KIF13A: variants seen among roughly 807,000 people sequenced by gnomAD.
KIF13A encodes the protein kinesin family member 13A, also known as kinesin-like protein KIF13A.
Under a neutral mutation model 212.2 loss-of-function variants are expected in KIF13A, and 79 were observed. That is an observed-to-expected ratio of 0.37 (90% CI 0.31 to 0.45). The LOEUF (loss-of-function observed/expected upper bound fraction) is 0.45. Ranked by LOEUF, KIF13A falls within the 20% of genes least tolerant of loss-of-function variation. The probability of loss-of-function intolerance (pLI) is 1.00; values close to 1 mark genes in which losing one functional copy is unlikely to be tolerated. For synonymous variants in KIF13A, 789 were observed against 808.6 expected, an observed-to-expected ratio of 0.98 and a Z score of 0.41; for missense variants, 1,901 against 2,209.0, an observed-to-expected ratio of 0.86 and a Z score of 2.79.
chr6:17,899,259 A>G lies in KIF13A; in HGVS notation c.147-1079T>C, dbSNP rs1490489935. ...CTTATGACAGTTCTTGGCCTTCCTG[A>G]TAGTTACTCTTGATCAACCTCTGAT... is the stretch of plus-strand genomic sequence containing the variant. On this transcript the variant is annotated intron_variant, in intron 2 of 38. Coordinates refer to ENST00000259711, the MANE Select transcript of KIF13A (RefSeq NM_022113.6). The surrounding 1 kb of genome is among the most constrained non-coding windows in gnomAD (Gnocchi z 5.2). Among the ~76,000 whole-genome samples, 1 of 152,108 alleles carries G rather than the reference A, an allele frequency of 6.6e-6. No homozygotes were observed. The highest frequency in any genetic ancestry group is 1.5e-5 in the Non-Finnish European group (1 of 68,040).
In KIF13A at chr6:17,773,959, A is replaced by G. The variant is rs1443547100; in HGVS notation, c.4219-376T>C. Reference sequence around the variant, plus strand: ...CAAACTGAAACACTCTCAAAGGACAACTGTTCCATTAGTAATTCTGCCTGG... The same window carrying G: ...CAAACTGAAACACTCTCAAAGGACAGCTGTTCCATTAGTAATTCTGCCTGG... On this transcript the variant is annotated intron_variant, in intron 35 of 38. Transcript: ENST00000259711. This position sits in a 1 kb window ranked among gnomAD's most constrained non-coding sequence, Gnocchi z 4.2. Among the ~76,000 whole-genome samples the G allele has an allele frequency of 6.6e-6, 1 of 152,198 alleles. No homozygotes were observed. Among genetic ancestry groups the G allele is most frequent in the African/African-American group, 2.4e-5 (1 of 41,442 alleles).
In KIF13A at chr6:17,769,747, G is replaced by A. The variant is rs568505917; in HGVS notation, c.4581+1367C>T. On this transcript the variant is annotated intron_variant, in intron 38 of 38. Transcript: ENST00000259711. This position sits in a 1 kb window ranked among gnomAD's most constrained non-coding sequence, Gnocchi z 5.8. The stretch of plus-strand genomic sequence containing the variant: ...AATCAGACACAGAGCCAGAGAATTG[G>A]CAGGGGAAAAAACTAGTCATTTGGC... Among the ~76,000 whole-genome samples, 1 of 152,140 alleles carries A rather than the reference G, an allele frequency of 6.6e-6. No individual in the cohort carries two copies. The highest frequency in any genetic ancestry group is 2.4e-5 in the African/African-American group (1 of 41,426).
chr6:17,821,700 G>T, intron 16 of KIF13A: 1 of 1,418,366 alleles, frequency 7.1e-7, no homozygotes, highest in Non-Finnish European at 9.4e-7. Flanking sequence ...TTAGATTTTT[G>T]CCAAAGCATG....
intron 18 of KIF13A, 42 bp from the exon 19 acceptor site, chr6:17,805,657 C>T: frequency 1.3e-6 from 2 of 1,542,518 alleles, no homozygotes; most frequent in Non-Finnish European, 1.8e-6. Context: ...GTTATAACTC[C>T]TTTTTCGATT....
chr6:17,785,479 C>A lies in KIF13A; in HGVS notation c.3488+36G>T, dbSNP rs191348334. 5.4e-6 allele frequency: 8 copies of A among 1,476,024 alleles called. No individual in the cohort carries two copies. The highest frequency in any genetic ancestry group is 7.2e-6 in the Non-Finnish European group (8 of 1,116,908). The allele number at this position is 1,476,024 out of a possible 1,614,324, so 91.4% of individuals were successfully genotyped here. A position where few individuals can be genotyped will look rare whatever the true frequency, so the allele number is the denominator to read the frequency against. ...TCTTGCCACAGGCGACCTGTACCATCTCCCCAGGTCTGCACAGAAGGGAGG... is the reference window on the plus strand; with the variant it reads ...TCTTGCCACAGGCGACCTGTACCATATCCCCAGGTCTGCACAGAAGGGAGG... On this transcript the variant is annotated intron_variant, in intron 28 of 38. Transcript: ENST00000259711. This position sits in a 1 kb window ranked among gnomAD's most constrained non-coding sequence, Gnocchi z 5.8.
Position 17,888,025 on chromosome 6 carries a change from C to T in KIF13A, c.159+10143G>A, listed in dbSNP as rs868593978. On this transcript the variant is annotated intron_variant, in intron 3 of 38. Transcript: ENST00000259711. This position sits in a 1 kb window ranked among gnomAD's most constrained non-coding sequence, Gnocchi z 4.8. Reference sequence around the variant, plus strand: ...CCAGCCCCTGCATCTTGATTCTTATCCTAAATTTCTGCACTTTGACACCCT... The same window carrying T: ...CCAGCCCCTGCATCTTGATTCTTATTCTAAATTTCTGCACTTTGACACCCT... Among the ~76,000 whole-genome samples the T allele has an allele frequency of 2.8e-4, 42 of 151,868 alleles. No homozygotes were observed. The highest frequency in any genetic ancestry group is 9.9e-4 in the African/African-American group (41 of 41,354).
chr6:17,968,061 G>A lies in KIF13A; in HGVS notation c.146+18993C>T, dbSNP rs78838029. On this transcript the variant is annotated intron_variant, in intron 2 of 38. Coordinates refer to ENST00000259711, the MANE Select transcript of KIF13A (RefSeq NM_022113.6). The surrounding 1 kb of genome is among the most constrained non-coding windows in gnomAD (Gnocchi z 4.7). The stretch of plus-strand genomic sequence containing the variant: ...CCCACAATGCTGAGAACCCCTGGGG[G>A]ACTGACAAACGTAGGCATATTATTT... Among the ~76,000 whole-genome samples, 655 of 152,274 alleles carry A rather than the reference G, an allele frequency of 4.3e-3. 5 individuals carry two copies. Among genetic ancestry groups the A allele is most frequent in the Non-Finnish European group, 5.9e-3 (400 of 68,032 alleles).
chr6:17,879,446 A>G (rs764080848), intron 3 of KIF13A, among the ~76,000 whole-genome samples: 3 of 152,214 alleles, frequency 2.0e-5, no homozygotes, highest in Non-Finnish European at 4.4e-5. Context: ...GCTGCAGGAT[A>G]TATTTTTAGA....
chr6:17,828,116 GC>G lies in KIF13A; in HGVS notation c.1532+123del. 13 of 833,742 alleles carry G rather than the reference GC, an allele frequency of 1.6e-5. No homozygotes were observed. Among genetic ancestry groups the G allele is most frequent in the Non-Finnish European group, 2.4e-5 (13 of 552,942 alleles). The allele number at this position is 833,742 out of a possible 1,614,324, so 51.6% of individuals were successfully genotyped here. ...CACTCTCTACAATCAGAAAGCAAGG[GC>G]CCCCTGAGGACCCCCATGTATCCTT... On this transcript the variant is annotated intron_variant, in intron 14 of 38. Transcript: ENST00000259711. This position sits in a 1 kb window ranked among gnomAD's most constrained non-coding sequence, Gnocchi z 4.3.
chr6:17,792,092 A>T lies in KIF13A; in HGVS notation c.3222+2157T>A, dbSNP rs143008467. Among the ~76,000 whole-genome samples the T allele has an allele frequency of 8.1e-5, 12 of 148,554 alleles. No individual in the cohort carries two copies. In the East Asian group the frequency reaches 2.5e-3, roughly 30 times the overall value. On this transcript the variant is annotated intron_variant, in intron 25 of 38. Coordinates refer to ENST00000259711, the MANE Select transcript of KIF13A (RefSeq NM_022113.6). ...TTGGCAGGTGCCCGTAATCCCAGCT[A>T]CTCTGGAGACTGAGGCAGGAGAATC...
Position 17,828,094 on chromosome 6 carries a change from T to C in KIF13A, c.1532+146A>G. The C allele has an allele frequency of 3.1e-6, 2 of 638,214 alleles. No homozygotes were observed. Among genetic ancestry groups the C allele is most frequent in the South Asian group, 5.0e-5 (2 of 40,264 alleles). The allele number at this position is 638,214 out of a possible 1,614,324, so 39.5% of individuals were successfully genotyped here. ...ATAGTCACTCCTTCACAGTAATCAC[T>C]CTCTACAATCAGAAAGCAAGGGCCC... On this transcript the variant is annotated intron_variant, in intron 14 of 38. Coordinates refer to ENST00000259711, the MANE Select transcript of KIF13A (RefSeq NM_022113.6). The surrounding 1 kb of genome is among the most constrained non-coding windows in gnomAD (Gnocchi z 4.3).
rs1315823518 is a variant in KIF13A, at chr6:17,776,309, G to A, written c.4170+968C>T. Among the ~76,000 whole-genome samples, 1 of 152,054 alleles carries A rather than the reference G, an allele frequency of 6.6e-6. No individual in the cohort carries two copies. The highest frequency in any genetic ancestry group is 2.4e-5 in the African/African-American group (1 of 41,398). The stretch of plus-strand genomic sequence containing the variant: ...ACTGTCTAGTATTCTGCTTTATACA[G>A]AATTATAGGGAATTTAGGGCTAATA... On this transcript the variant is annotated intron_variant, in intron 34 of 38. Coordinates refer to ENST00000259711, the MANE Select transcript of KIF13A (RefSeq NM_022113.6). This position sits in a 1 kb window ranked among gnomAD's most constrained non-coding sequence, Gnocchi z 4.6.
In KIF13A at chr6:17,811,154, T is replaced by A. The variant is rs991498612; in HGVS notation, c.2001-2224A>T. ...ACCTCTCAAATGCACTTGAAATCAA[T>A]CCTTCTCCCTGAAAACCTCTGTAGA... is the stretch of plus-strand genomic sequence containing the variant. On this transcript the variant is annotated intron_variant, in intron 17 of 38. Coordinates refer to ENST00000259711, the MANE Select transcript of KIF13A (RefSeq NM_022113.6). This position sits in a 1 kb window ranked among gnomAD's most constrained non-coding sequence, Gnocchi z 6.0. Among the ~76,000 whole-genome samples the A allele has an allele frequency of 7.2e-5, 11 of 152,216 alleles. No homozygotes were observed. Among genetic ancestry groups the A allele is most frequent in the Admixed American group, 2.6e-4 (4 of 15,276 alleles).
chr6:17,837,958 C>G lies in KIF13A; in HGVS notation c.831-375G>C, dbSNP rs1229473429. Among the ~76,000 whole-genome samples the G allele has an allele frequency of 2.9e-5, 4 of 139,520 alleles. No individual in the cohort carries two copies. The highest frequency in any genetic ancestry group is 7.9e-5 in the African/African-American group (3 of 37,882). 91.5% of individuals were successfully genotyped at this position (139,520 alleles called of 152,430 possible). A position where few individuals can be genotyped will look rare whatever the true frequency, so the allele number is the denominator to read the frequency against. On this transcript the variant is annotated intron_variant, in intron 9 of 38. Coordinates refer to ENST00000259711, the MANE Select transcript of KIF13A (RefSeq NM_022113.6). The surrounding 1 kb of genome is among the most constrained non-coding windows in gnomAD (Gnocchi z 5.4). ...ACAGAGTGAGACTCTTTCAAAAAAACAAAAACAAAGAAACCCCAAAAAACC... is the reference window on the plus strand; with the variant it reads ...ACAGAGTGAGACTCTTTCAAAAAAAGAAAAACAAAGAAACCCCAAAAAACC...
chr6:17,860,386 A>G (rs1199168362), intron 4 of KIF13A, among the ~76,000 whole-genome samples: 1 of 151,916 alleles, frequency 6.6e-6, no homozygotes, highest in African/African-American at 2.4e-5. Flanking sequence ...ACAGGGTTTC[A>G]CCATGTTGGC....
intron 2 of KIF13A, among the ~76,000 whole-genome samples, chr6:17,976,301 A>C (rs1780468334): frequency 6.6e-6 from 1 of 152,216 alleles, no homozygotes; most frequent in Non-Finnish European, 1.5e-5. Context: ...AGGCTCAGGC[A>C]TGGCGGGCTG....
chr6:17,849,305 C>G lies in KIF13A; in HGVS notation c.830+72G>C. On this transcript the variant is annotated intron_variant, in intron 9 of 38. Transcript: ENST00000259711. The surrounding 1 kb of genome is among the most constrained non-coding windows in gnomAD (Gnocchi z 5.7). The stretch of plus-strand genomic sequence containing the variant: ...TAAACAACCTGTACATCAGAACCAT[C>G]TGACCCTCATAATGCAACAAATCCC... 1 of 1,059,078 alleles carries G rather than the reference C, an allele frequency of 9.4e-7. No individual in the cohort carries two copies. 65.6% of individuals were successfully genotyped at this position (1,059,078 alleles called of 1,614,324 possible). A position where few individuals can be genotyped will look rare whatever the true frequency, so the allele number is the denominator to read the frequency against.
intron 2 of KIF13A, among the ~76,000 whole-genome samples, chr6:17,977,077 G>C (rs1780604083): frequency 1.3e-5 from 2 of 148,794 alleles, no homozygotes; most frequent in East Asian, 2.0e-4. Context: ...ACTCCAGCCT[G>C]GGAAACAGAG....
At chr6:17,784,098 C>A (rs557624849) in intron 28 of KIF13A, among the ~76,000 whole-genome samples, 1 of 152,210 alleles carries the variant, frequency 6.6e-6, no homozygotes, top group East Asian at 1.9e-4. Flanking sequence ...GGGTTGTGTA[C>A]AGAAGAGACC....
Sources: gnomAD v4.1 joint callset for allele counts (sites outside exome capture counted in the v4.1 genomes callset) on GRCh38, gnomAD v4.1.1 for gene constraint, Gnocchi (gnomAD v3.1) non-coding constraint, MANE v1.5 for transcripts, NCBI Gene and HGNC (gene_info 2026-07-23, HGNC 2026-07-21) for gene names.